LDHA: variants seen among roughly 807,000 people sequenced by gnomAD.
The protein encoded by LDHA is lactate dehydrogenase A, also known as L-lactate dehydrogenase A chain.
Under a neutral mutation model 36.3 loss-of-function variants are expected in LDHA, and 10 were observed. That is an observed-to-expected ratio of 0.28 (90% CI 0.17 to 0.47). The LOEUF (loss-of-function observed/expected upper bound fraction) is 0.47, where lower values mean the gene tolerates loss of function less well. Among genes scored for constraint, LDHA ranks in the 20% least tolerant of loss-of-function variants. The pLI, the probability that LDHA is intolerant of heterozygous loss-of-function variation, is 0.99. For synonymous variants in LDHA, 110 were observed against 136.7 expected, an observed-to-expected ratio of 0.80 and a Z score of 1.36; for missense variants, 267 against 405.8, an observed-to-expected ratio of 0.66 and a Z score of 2.94.
At chr11:18,399,626 G>A in intron 3 of LDHA, 78 bp downstream of exon 3, 1 of 1,096,678 alleles carries the variant, frequency 9.1e-7, no homozygotes, top group Admixed American at 1.7e-5. Flanking sequence ...TTGTTGCTTA[G>A]GGTAGAGTGC....
In LDHA at chr11:18,403,740, T is replaced by C. The variant is rs1418329154; in HGVS notation, c.639T>C (p.Thr213=). The C allele has an allele frequency of 1.9e-6, 3 of 1,611,890 alleles. No homozygotes were observed. Among genetic ancestry groups the C allele is most frequent in the South Asian group, 1.1e-5 (1 of 91,036 alleles). ...GMNVAGVSLK[T]LHPDLGTDKD... ...ATGTTGCTGGTGTCTCTCTGAAGAC[T>C]CTGCACCCAGATTTAGGGACTGATA... is the stretch of plus-strand genomic sequence containing the variant. The change falls in exon 6 of 8, where the codon ACT becomes ACC. Residue 213 remains threonine, a synonymous_variant. Coordinates refer to ENST00000422447, the MANE Select transcript of LDHA (RefSeq NM_005566.4).
chr11:18,401,077 TATATA>T, intron 4 of LDHA, 67 bp downstream of exon 4: 1 of 553,834 alleles, frequency 1.8e-6, no homozygotes, highest in Non-Finnish European at 2.7e-6. Context: ...ATATATATAT[TATATA>T]TATTTTAAAT....
chr11:18,402,057 A>G (rs150743964), intron 4 of LDHA, among the ~76,000 whole-genome samples: 247 of 143,578 alleles, frequency 1.7e-3, no homozygotes, highest in African/African-American at 5.1e-3. Flanking sequence ...CCTGGGTTCA[A>G]GCAATTCTCC....
At position 18,403,726 on chromosome 11, in the gene LDHA, GTC is replaced by G. The variant is rs1440890027; in HGVS notation, c.631_632del (p.Leu211GlufsTer10). ...PVWSGMNVAGVSLKTLHPDLG... is the reference protein window; with the variant it reads ...PVWSGMNVAGXSLKTLHPDLG... ...ATGGAGTGGAATGAATGTTGCTGGTGTCTCTCTGAAGACTCTGCACCCAGATT... is the reference window on the plus strand; with the variant it reads ...ATGGAGTGGAATGAATGTTGCTGGTGTCTCTGAAGACTCTGCACCCAGATT... On this transcript the variant is annotated frameshift_variant, in exon 6 of 8. Transcript: ENST00000422447. LOFTEE classifies it high-confidence loss of function. The G allele has an allele frequency of 6.8e-6, 11 of 1,608,092 alleles. No homozygotes were observed. Among genetic ancestry groups the G allele is most frequent in the African/African-American group, 4.0e-5 (3 of 74,814 alleles).
intron 5 of LDHA, among the ~76,000 whole-genome samples, chr11:18,403,361 T>A (rs542603354): frequency 1.3e-5 from 2 of 152,300 alleles, no homozygotes; most frequent in African/African-American, 4.8e-5. Flanking sequence ...ACAAAAGTTA[T>A]ATTATCACAG....
intron 3 of LDHA, chr11:18,400,395 C>T: frequency 3.4e-6 from 1 of 293,002 alleles, no homozygotes; most frequent in South Asian, 3.1e-5. Flanking sequence ...GTAAAGCTGT[C>T]TCTGCTTAAA....
intron 4 of LDHA, 156 bp from the exon 5 acceptor site, chr11:18,402,684 C>A: frequency 1.5e-6 from 1 of 668,614 alleles, no homozygotes. Flanking sequence ...TAGCCATGAT[C>A]AATATCAAGA....
chr11:18,405,934 A>G (rs1159563167), intron 7 of LDHA: 1 of 255,376 alleles, frequency 3.9e-6, no homozygotes, highest in Non-Finnish European at 7.7e-6. Context: ...TAATTAAATC[A>G]TAACTGAACA....
At chr11:18,395,868 C>T (rs1321888428) in intron 1 of LDHA, among the ~76,000 whole-genome samples, 1 of 152,248 alleles carries the variant, frequency 6.6e-6, no homozygotes, top group Non-Finnish European at 1.5e-5. Flanking sequence ...TCATACTGGG[C>T]CTGACAGGCC....
chr11:18,405,805 T>G (rs1866661681), intron 7 of LDHA: 9 of 464,746 alleles, frequency 1.9e-5, no homozygotes, highest in Non-Finnish European at 2.7e-5. Flanking sequence ...TCTTGTTCAA[T>G]TATGCTGAGG....
At chr11:18,403,626 G>A in intron 5 of LDHA, 68 bp from the exon 6 acceptor site, 2 of 1,029,258 alleles carry the variant, frequency 1.9e-6, no homozygotes, top group South Asian at 2.5e-5. Flanking sequence ...AGAGAATTAG[G>A]AAAATGAATC....
In LDHA at chr11:18,408,329, T is replaced by TA. The variant is rs1009437495; in HGVS notation, c.*1055dup. ...GCCAACACAACAAAACCCCATCTGT[T>TA]AAAAAAACAAAACAAAACCAAAAAA... is the stretch of plus-strand genomic sequence containing the variant. On this transcript the variant is annotated 3_prime_UTR_variant, in exon 8 of 8. Transcript: ENST00000422447. 20 of 380,014 alleles carry TA rather than the reference T, an allele frequency of 5.3e-5. No homozygotes were observed. The highest frequency in any genetic ancestry group is 1.7e-4 in the African/African-American group (8 of 46,706). The allele number at this position is 380,014 out of a possible 1,614,324, so 23.5% of individuals were successfully genotyped here.
chr11:18,399,384 C>G, intron 2 of LDHA, 47 bp from the exon 3 acceptor site: 1 of 1,316,032 alleles, frequency 7.6e-7, no homozygotes, highest in South Asian at 1.2e-5. Flanking sequence ...TTCTAAAAAT[C>G]TAGAAGTGGC....
At chr11:18,400,336 A>C in intron 3 of LDHA, 1 of 234,602 alleles carries the variant, frequency 4.3e-6, no homozygotes, top group Non-Finnish European at 8.5e-6. Context: ...TCACTGGTTT[A>C]ACTCTCTTGT....
intron 6 of LDHA, among the ~76,000 whole-genome samples, chr11:18,404,811 A>AAAAAAAAAAC (rs1866624903): frequency 6.6e-6 from 1 of 151,840 alleles, no homozygotes; most frequent in African/African-American, 2.4e-5. Context: ...CCGTCTCAAA[A>AAAAAAAAAAC]AAAAAAGAAT....
intron 7 of LDHA, among the ~76,000 whole-genome samples, chr11:18,406,108 G>A (rs1319641235): frequency 6.6e-6 from 1 of 152,114 alleles, no homozygotes. Context: ...TGGGACTACA[G>A]GTGCGTGCCA....
At chr11:18,401,361 G>A (rs560240535) in intron 4 of LDHA, among the ~76,000 whole-genome samples, 2 of 151,112 alleles carry the variant, frequency 1.3e-5, no homozygotes, top group African/African-American at 4.8e-5. Context: ...ATGTTGGCCA[G>A]GCTGGTTTTG....
intron 7 of LDHA, 141 bp from the exon 8 acceptor site, chr11:18,406,976 A>G: frequency 1.5e-6 from 1 of 660,460 alleles, no homozygotes; most frequent in African/African-American, 1.8e-5. Context: ...ACTGCACTCC[A>G]GCCTGGGCGA....
chr11:18,394,880 C>G (rs1187723812), intron 1 of LDHA: 3 of 352,374 alleles, frequency 8.5e-6, no homozygotes, highest in African/African-American at 6.4e-5. Context: ...GCTGGGGAAC[C>G]GAGGAGGTGG....
Sources: gnomAD v4.1 joint callset for allele counts (sites outside exome capture counted in the v4.1 genomes callset) on GRCh38, gnomAD v4.1.1 for gene constraint, MANE v1.5 for transcripts, NCBI Gene and HGNC (gene_info 2026-07-23, HGNC 2026-07-21) for gene names.